TPRG1: variants seen among roughly 807,000 people sequenced by gnomAD.
TPRG1 encodes the protein tumor protein p63-regulated gene 1 protein.
In TPRG1, 29 loss-of-function variants were observed where a neutral mutation model predicts 29.3. The ratio of observed to expected loss-of-function variants is 0.99; its 90% CI spans 0.74 to 1.35. The LOEUF (loss-of-function observed/expected upper bound fraction) is 1.35. TPRG1 is among the 40% of genes most tolerant of loss of function. The pLI is 0.00. For synonymous variants in TPRG1, 130 were observed against 116.8 expected (o/e 1.11, Z -0.73); for missense variants, 327 against 335.0 (o/e 0.98, Z 0.19).
At chr3:189,041,136 T>C (rs531108744) in intron 4 of TPRG1, among the ~76,000 whole-genome samples, 1 of 152,310 alleles carries the variant, frequency 6.6e-6, no homozygotes, top group South Asian at 2.1e-4. Flanking sequence ...TTTTAGGATG[T>C]CGCTAGGCTC....
intron 4 of TPRG1, among the ~76,000 whole-genome samples, chr3:189,074,323 A>G (rs1716994888): frequency 6.8e-6 from 1 of 146,432 alleles, no homozygotes; most frequent in African/African-American, 2.6e-5. Context: ...TTCCTGCCTC[A>G]GCTTCTTGAG....
Position 189,157,042 on chromosome 3 carries a change from G to A in TPRG1, c.-10+6170G>A, listed in dbSNP as rs373423345. On this transcript the variant is annotated intron_variant, in intron 5 of 6. Transcript: ENST00000412373. Reference sequence around the variant, plus strand: ...AGAAGCTATGCCAGGGAGTTGGAGCGCCTGGTTTTGACTGGCTTTGCTATT... The same window carrying A: ...AGAAGCTATGCCAGGGAGTTGGAGCACCTGGTTTTGACTGGCTTTGCTATT... Among the ~76,000 whole-genome samples the A allele has an allele frequency of 9.2e-5, 14 of 152,248 alleles. No individual in the cohort carries two copies. The East Asian group carries it at 1.5e-3, about 17-fold the overall frequency.
At chr3:189,244,513 A>G (rs972725596) in intron 4 of TPRG1, among the ~76,000 whole-genome samples, 1 of 152,188 alleles carries the variant, frequency 6.6e-6, no homozygotes, top group African/African-American at 2.4e-5. Context: ...GAAGTTTCCA[A>G]TCATGGCAGA....
intron 4 of TPRG1, among the ~76,000 whole-genome samples, chr3:189,076,942 A>ATG (rs199941065): frequency 1.3e-5 from 2 of 151,212 alleles, no homozygotes; most frequent in African/African-American, 4.9e-5. Context: ...ATATATATAT[A>ATG]GCCAATAAGC....
At chr3:189,091,225 C>G (rs974435745) in intron 4 of TPRG1, among the ~76,000 whole-genome samples, 2 of 152,086 alleles carry the variant, frequency 1.3e-5, no homozygotes, top group African/African-American at 4.8e-5. Context: ...CTTTCTTCTT[C>G]CAGTGGTTTG....
At chr3:189,289,833 C>T (rs1276078078) in intron 4 of TPRG1, among the ~76,000 whole-genome samples, 3 of 152,178 alleles carry the variant, frequency 2.0e-5, no homozygotes, top group African/African-American at 7.2e-5. Context: ...CTATTATCTA[C>T]TTATGCTTTA....
intron 3 of TPRG1, among the ~76,000 whole-genome samples, chr3:189,140,681 C>T (rs1210139799): frequency 1.3e-5 from 2 of 152,170 alleles, no homozygotes; most frequent in South Asian, 2.1e-4. Flanking sequence ...CTTACCTGCA[C>T]CTTGAGCCTT....
chr3:189,141,083 C>T (rs1724489180), intron 3 of TPRG1, among the ~76,000 whole-genome samples: 1 of 152,162 alleles, frequency 6.6e-6, no homozygotes, highest in Non-Finnish European at 1.5e-5. Context: ...CAGTTTTCAG[C>T]AAATCATACT....
chr3:189,294,774 G>A (rs1719603828), intron 4 of TPRG1, among the ~76,000 whole-genome samples: 6 of 151,332 alleles, frequency 4.0e-5, no homozygotes. Context: ...CCTTTTCTGT[G>A]TCACCTTTAA....
chr3:189,300,779 A>T (rs1720703251), intron 4 of TPRG1, among the ~76,000 whole-genome samples: 3 of 152,112 alleles, frequency 2.0e-5, no homozygotes, highest in Admixed American at 6.5e-5. Context: ...ATGCCAATAA[A>T]TGTCCCCTTT....
At chr3:189,004,425 A>C (rs909278441) in intron 2 of TPRG1, 2 of 152,138 alleles carry the variant, frequency 1.3e-5, no homozygotes, top group African/African-American at 2.4e-5. Context: ...CCCCCTGTTT[A>C]CATGATGGAT....
intron 3 of TPRG1, among the ~76,000 whole-genome samples, chr3:189,014,776 G>C (rs917707937): frequency 3.3e-5 from 5 of 152,102 alleles, no homozygotes; most frequent in African/African-American, 9.7e-5. Flanking sequence ...TATGATTGTA[G>C]GTTCCCTGAG....
intron 4 of TPRG1, among the ~76,000 whole-genome samples, chr3:189,274,403 AG>A (rs1304024383): frequency 7.9e-6 from 1 of 126,986 alleles, no homozygotes; most frequent in Non-Finnish European, 1.9e-5. Flanking sequence ...CCGTTTGTTC[AG>A]CCTGTTTGGA....
chr3:189,095,929 C>T (rs181806150), upstream of TPRG1, among the ~76,000 whole-genome samples: 168 of 152,268 alleles, frequency 1.1e-3, no homozygotes, highest in Non-Finnish European at 4.1e-4. Flanking sequence ...TTGGTCAGGG[C>T]CCAGCTCTGT....
intron 4 of TPRG1, among the ~76,000 whole-genome samples, chr3:189,089,317 T>C (rs545966104): frequency 3.8e-4 from 58 of 152,370 alleles, no homozygotes; most frequent in African/African-American, 1.4e-3. Flanking sequence ...TTCTGGTTTT[T>C]CAAGATTCTT....
At chr3:189,011,054 G>A (rs1204908408) in intron 3 of TPRG1, among the ~76,000 whole-genome samples, 1 of 152,114 alleles carries the variant, frequency 6.6e-6, no homozygotes, top group African/African-American at 2.4e-5. Context: ...TGTCAGCTTT[G>A]TTGAAGATCA....
chr3:189,076,920 G>GTATA (rs1338669154), intron 4 of TPRG1, among the ~76,000 whole-genome samples: 1 of 135,268 alleles, frequency 7.4e-6, no homozygotes, highest in African/African-American at 3.5e-5. Flanking sequence ...GAATATATGT[G>GTATA]TACATATATA....
At chr3:189,121,932 G>A (rs771262207) in intron 1 of TPRG1, 1 of 151,930 alleles carries the variant, frequency 6.6e-6, no homozygotes, top group Non-Finnish European at 1.5e-5. Context: ...TCTTGTAATT[G>A]CCTTTGAGAG....
chr3:189,129,729 T>C (rs933907490), intron 2 of TPRG1, among the ~76,000 whole-genome samples: 9 of 152,240 alleles, frequency 5.9e-5, no homozygotes, highest in African/African-American at 1.9e-4. Context: ...TCAGTTATTT[T>C]AAGTCCAAGA....
Sources: gnomAD v4.1 joint callset for allele counts (sites outside exome capture counted in the v4.1 genomes callset) on GRCh38, gnomAD v4.1.1 for gene constraint, MANE v1.5 for transcripts, NCBI Gene and HGNC (gene_info 2026-07-23, HGNC 2026-07-21) for gene names.